The following PELI2 variants were observed in gnomAD, a reference collection of about 807,000 sequenced individuals.
PELI2 encodes the protein pellino E3 ubiquitin protein ligase family member 2, also known as E3 ubiquitin-protein ligase pellino homolog 2.
PELI2 carries 23 observed loss-of-function variants against 42.3 expected under a neutral mutation model. That is an observed-to-expected ratio of 0.54 (90% CI 0.39 to 0.77). The LOEUF is 0.77. Among genes scored for constraint, PELI2 ranks in the 30% least tolerant of loss-of-function variants. The pLI is 0.00. For synonymous variants in PELI2, 245 were observed against 212.2 expected (o/e 1.15, Z -1.34); for missense variants, 463 against 553.2 (o/e 0.84, Z 1.64).
intron 2 of PELI2, among the ~76,000 whole-genome samples, chr14:56,271,506 G>A (rs1465277826): frequency 1.3e-5 from 2 of 152,128 alleles, no homozygotes; most frequent in African/African-American, 4.8e-5. Context: ...ATTTTGTATA[G>A]TTGTTTATTT....
intron 2 of PELI2, among the ~76,000 whole-genome samples, chr14:56,212,096 C>T (rs547690534): frequency 4.6e-5 from 7 of 152,128 alleles, no homozygotes; most frequent in Non-Finnish European, 1.0e-4. Context: ...TAGATGTCAC[C>T]AAAGAAGAGC....
chr14:56,135,849 CTG>C (rs1457028642), intron 1 of PELI2, among the ~76,000 whole-genome samples: 2 of 152,190 alleles, frequency 1.3e-5, no homozygotes, highest in Admixed American at 6.5e-5. Context: ...TGCTTTTGGA[CTG>C]TGGAAGTTTT....
rs1886185534 is a variant in PELI2 at position 56,197,934 on chromosome 14, CACA to C, written c.207+19471_207+19473del. ...TGGTGAAGACACACACACACACACA[CACA>C]CACACACACACCAGGGATCATGACT... On this transcript the variant is annotated intron_variant, in intron 2 of 5. Coordinates refer to ENST00000267460, the MANE Select transcript of PELI2 (RefSeq NM_021255.3). This position sits in a 1 kb window ranked among gnomAD's most constrained non-coding sequence, Gnocchi z 4.9. Among the ~76,000 whole-genome samples, 1 of 148,908 alleles carries C rather than the reference CACA, an allele frequency of 6.7e-6. No individual in the cohort carries two copies. The highest frequency in any genetic ancestry group is 6.7e-5 in the Admixed American group (1 of 14,850).
chr14:56,165,237 T>A (rs1884914047), intron 1 of PELI2, among the ~76,000 whole-genome samples: 2 of 152,148 alleles, frequency 1.3e-5, no homozygotes. Context: ...CCATCATCAT[T>A]TGTTTCAAGA....
At chr14:56,131,855 C>G (rs1369560646) in intron 1 of PELI2, among the ~76,000 whole-genome samples, 2 of 152,152 alleles carry the variant, frequency 1.3e-5, no homozygotes, top group African/African-American at 4.8e-5. Context: ...AACTACCACA[C>G]TCCAGCCTGG....
In PELI2 at chr14:56,297,217, T is replaced by G. The variant is rs765949596; in HGVS notation, c.*51T>G. 4 of 1,293,588 alleles carry G rather than the reference T, an allele frequency of 3.1e-6. No individual in the cohort carries two copies. In the African/African-American group the frequency reaches 4.4e-5, roughly 14 times the overall value. The allele number at this position is 1,293,588 out of a possible 1,614,324, so 80.1% of individuals were successfully genotyped here. A position where few individuals can be genotyped will look rare whatever the true frequency, so the allele number is the denominator to read the frequency against. ...TATTAACAGGTTACTGTGAAGATTT[T>G]GCCACTAACTCTAGATTTTACCTTT... On this transcript the variant is annotated 3_prime_UTR_variant, in exon 6 of 6. Coordinates refer to ENST00000267460, the MANE Select transcript of PELI2 (RefSeq NM_021255.3).
chr14:56,145,159 A>G (rs187028812), intron 1 of PELI2, among the ~76,000 whole-genome samples: 1 of 152,318 alleles, frequency 6.6e-6, no homozygotes, highest in Non-Finnish European at 1.5e-5. Flanking sequence ...CAGTCATGGC[A>G]GAAAGCAAAA....
At chr14:56,269,871 C>T (rs1889035933) in intron 2 of PELI2, among the ~76,000 whole-genome samples, 1 of 152,226 alleles carries the variant, frequency 6.6e-6, no homozygotes, top group African/African-American at 2.4e-5. Flanking sequence ...GTCACCTGCC[C>T]AACTCTCTGG....
chr14:56,118,775 GGCGGGGAGCGCCC>G, intron 1 of PELI2, 38 bp downstream of exon 1: 4 of 1,373,392 alleles, frequency 2.9e-6, no homozygotes, highest in Non-Finnish European at 3.9e-6. Context: ...CAGCGGCGCG[GGCGGGGAGCGCCC>G]GCATCCTGGA....
chr14:56,249,788 G>A (rs939601631), intron 2 of PELI2, among the ~76,000 whole-genome samples: 1 of 152,182 alleles, frequency 6.6e-6, no homozygotes, highest in South Asian at 2.1e-4. Flanking sequence ...CACCAGGAGT[G>A]TGTCTCTCAC....
chr14:56,231,416 C>T (rs1352530946), intron 2 of PELI2, among the ~76,000 whole-genome samples: 2 of 152,222 alleles, frequency 1.3e-5, no homozygotes, highest in South Asian at 2.1e-4. Flanking sequence ...GTCTGTCAGA[C>T]CACAATGCAA....
chr14:56,263,138 T>C (rs751581600), intron 2 of PELI2, among the ~76,000 whole-genome samples: 1 of 152,032 alleles, frequency 6.6e-6, no homozygotes, highest in Non-Finnish European at 1.5e-5. Context: ...TTTTGTACTT[T>C]ATAGTAGAGA....
rs1566632206 is a variant in PELI2 at position 56,198,001 on chromosome 14, CA to C, written c.207+19538del. The stretch of plus-strand genomic sequence containing the variant: ...ACACACACACACACACACACACACA[CA>C]CACACACACACCCACCTCTTTGGTC... On this transcript the variant is annotated intron_variant, in intron 2 of 5. Transcript: ENST00000267460. Among the ~76,000 whole-genome samples, 150 of 147,790 alleles carry C rather than the reference CA, an allele frequency of 1.0e-3. 2 individuals are homozygous for C. The highest frequency in any genetic ancestry group is 2.5e-3 in the African/African-American group (100 of 39,854).
chr14:56,123,952 A>G (rs1232038854), intron 1 of PELI2, among the ~76,000 whole-genome samples: 1 of 152,210 alleles, frequency 6.6e-6, no homozygotes, highest in Non-Finnish European at 1.5e-5. Flanking sequence ...TTGAATGGAG[A>G]CAACAGCAAC....
At chr14:56,237,825 G>A (rs1331446365) in intron 2 of PELI2, among the ~76,000 whole-genome samples, 3 of 150,572 alleles carry the variant, frequency 2.0e-5, no homozygotes, top group Non-Finnish European at 4.4e-5. Context: ...GTGTAGCTCT[G>A]TGGCACCGTT....
chr14:56,159,637 C>G (rs1019418083), intron 1 of PELI2, among the ~76,000 whole-genome samples: 4 of 151,850 alleles, frequency 2.6e-5, no homozygotes, highest in Admixed American at 2.6e-4. Context: ...CAGGGCAATA[C>G]TTAAAAAATA....
chr14:56,240,489 C>T (rs1320274240), intron 2 of PELI2, among the ~76,000 whole-genome samples: 4 of 151,970 alleles, frequency 2.6e-5, no homozygotes, highest in East Asian at 1.9e-4. Flanking sequence ...GGTGCAGTTA[C>T]GGGGGTGAAT....
intron 1 of PELI2, among the ~76,000 whole-genome samples, chr14:56,152,509 C>A (rs1884400489): frequency 6.6e-6 from 1 of 152,052 alleles, no homozygotes. Flanking sequence ...CAGCCTGCCT[C>A]ATTATTTGAG....
chr14:56,120,317 G>C (rs777298100), intron 1 of PELI2, among the ~76,000 whole-genome samples: 3 of 152,176 alleles, frequency 2.0e-5, no homozygotes, highest in Non-Finnish European at 4.4e-5. Context: ...GAAGATTAAC[G>C]TATGCCAGAA....
Sources: gnomAD v4.1 joint callset for allele counts (sites outside exome capture counted in the v4.1 genomes callset) on GRCh38, gnomAD v4.1.1 for gene constraint, Gnocchi (gnomAD v3.1) non-coding constraint, MANE v1.5 for transcripts, NCBI Gene and HGNC (gene_info 2026-07-23, HGNC 2026-07-21) for gene names.